Variants in FRS2 observed in about 807,000 individuals in gnomAD.
FRS2 encodes the protein FGFR signalling adaptor.
Under a neutral mutation model 43.9 loss-of-function variants are expected in FRS2, and 8 were observed. The ratio of observed to expected loss-of-function variants is 0.18; its 90% CI spans 0.11 to 0.33. FRS2 has a LOEUF of 0.33. Ranked by LOEUF, FRS2 falls within the 10% of genes least tolerant of loss-of-function variation. The pLI is 1.00. For missense variants in FRS2, 534 were observed against 627.6 expected (o/e 0.85, Z 1.59); for synonymous variants, 219 against 220.3 (o/e 0.99, Z 0.05).
chr12:69,485,091 A>ACACACACACACACACACACACGCG (rs1406341714), intron 1 of FRS2, among the ~76,000 whole-genome samples: 1 of 123,290 alleles, frequency 8.1e-6, no homozygotes, highest in Non-Finnish European at 1.6e-5. Flanking sequence ...AAACACACAC[A>ACACACACACACACACACACACGCG]CACACACACA....
At position 69,575,638 on chromosome 12, in the gene FRS2, A is replaced by G. The variant is rs1881143703; in HGVS notation, c.*683A>G. On this transcript the variant is annotated 3_prime_UTR_variant, in exon 9 of 9. Transcript: ENST00000549921. The stretch of plus-strand genomic sequence containing the variant: ...GATGTCATTTGAAGGGCATGTCCAG[A>G]TATCTTAAAATTATAATAGGCTCAA... 1 of 152,624 alleles carries G rather than the reference A, an allele frequency of 6.6e-6. No homozygotes were observed. The highest frequency in any genetic ancestry group is 6.5e-5 in the Admixed American group (1 of 15,274). The allele number at this position is 152,624 out of a possible 1,614,324, so 9.5% of individuals were successfully genotyped here. A position where few individuals can be genotyped will look rare whatever the true frequency, so the allele number is the denominator to read the frequency against.
At chr12:69,570,301 A>G (rs768530619) in intron 5 of FRS2, 30 bp from the exon 6 acceptor site, 8 of 1,525,404 alleles carry the variant, frequency 5.2e-6, no homozygotes, top group Admixed American at 5.1e-5. Flanking sequence ...TTGGTGACAT[A>G]TTTGCATGAC....
chr12:69,578,239 T>C lies in FRS2; in HGVS notation c.*3284T>C, dbSNP rs905311790. On this transcript the variant is annotated 3_prime_UTR_variant, in exon 9 of 9. Transcript: ENST00000549921. Reference sequence around the variant, plus strand: ...AATACATATATTCTTGAAATAGACATACCATCAGAGACATCATTCACAAGT... The same window carrying C: ...AATACATATATTCTTGAAATAGACACACCATCAGAGACATCATTCACAAGT... 4 of 152,630 alleles carry C rather than the reference T, an allele frequency of 2.6e-5. No individual in the cohort carries two copies. Among genetic ancestry groups the C allele is most frequent in the Non-Finnish European group, 4.4e-5 (3 of 68,024 alleles). 9.5% of individuals were successfully genotyped at this position (152,630 alleles called of 1,614,324 possible). A position where few individuals can be genotyped will look rare whatever the true frequency, so the allele number is the denominator to read the frequency against.
intron 1 of FRS2, among the ~76,000 whole-genome samples, chr12:69,519,541 C>A (rs1875413275): frequency 1.3e-5 from 2 of 152,012 alleles, no homozygotes; most frequent in Admixed American, 6.6e-5. Context: ...TTTTTTTCTG[C>A]TCCTCTCCCT....
chr12:69,539,531 A>G (rs1877670895), intron 3 of FRS2, among the ~76,000 whole-genome samples: 1 of 152,196 alleles, frequency 6.6e-6, no homozygotes, highest in South Asian at 2.1e-4. Context: ...AATTTTGTGC[A>G]CGCATCATGT....
chr12:69,564,508 C>CAT, intron 4 of FRS2, among the ~76,000 whole-genome samples: 1 of 152,242 alleles, frequency 6.6e-6, no homozygotes, highest in East Asian at 1.9e-4. Context: ...TTGAAGACTA[C>CAT]AGTTTTTTGT....
At position 69,545,772 on chromosome 12, in the gene FRS2, AAAAAAAC is replaced by A. The variant is rs1461522642; in HGVS notation, c.-122+13722_-122+13728del. Among the ~76,000 whole-genome samples the A allele has an allele frequency of 4.0e-3, 593 of 146,942 alleles. 1 individual carries two copies. Among genetic ancestry groups the A allele is most frequent in the African/African-American group, 0.014 (546 of 39,034 alleles). ...CCCTGTCTCAAAAAAAAAAAAAAAAAAAAAAACAAAAACAAAAACCCAGAAATAAACA... is the reference window on the plus strand; with the variant it reads ...CCCTGTCTCAAAAAAAAAAAAAAAAAAAAAACAAAAACCCAGAAATAAACA... On this transcript the variant is annotated intron_variant, in intron 3 of 8. Transcript: ENST00000549921.
At chr12:69,485,410 C>T (rs1871829839) in intron 1 of FRS2, among the ~76,000 whole-genome samples, 1 of 152,086 alleles carries the variant, frequency 6.6e-6, no homozygotes, top group Non-Finnish European at 1.5e-5. Context: ...TCTCGATCTC[C>T]TGACCTCGTG....
chr12:69,553,188 C>T (rs1184395093), intron 3 of FRS2, among the ~76,000 whole-genome samples: 1 of 152,106 alleles, frequency 6.6e-6, no homozygotes, highest in Non-Finnish European at 1.5e-5. Context: ...TCTCCTGCCT[C>T]AGCCTCCCGA....
chr12:69,562,084 A>T, intron 3 of FRS2, 96 bp from the exon 4 acceptor site: 1 of 393,736 alleles, frequency 2.5e-6, no homozygotes. Context: ...AGTTTGTTTA[A>T]ATAGATTAAC....
chr12:69,524,386 AGGGGAGGGCACAGTTG>A (rs1203775545), intron 1 of FRS2, among the ~76,000 whole-genome samples: 5 of 152,022 alleles, frequency 3.3e-5, no homozygotes, highest in African/African-American at 7.2e-5. Flanking sequence ...AAAGCAGCAC[AGGGGAGGGCACAGTTG>A]GGGGAGGGCA....
chr12:69,530,872 C>T lies in FRS2; in HGVS notation c.-253C>T, dbSNP rs1390228201. 6.6e-6 allele frequency: 1 copy of T among 152,408 alleles called. No homozygotes were observed. The highest frequency in any genetic ancestry group is 1.5e-5 in the Non-Finnish European group (1 of 68,026). 9.4% of individuals were successfully genotyped at this position (152,408 alleles called of 1,614,324 possible). A position where few individuals can be genotyped will look rare whatever the true frequency, so the allele number is the denominator to read the frequency against. ...ACTTAACCTATATTTCAGAAATGAC[C>T]ATTAAGAAGTAGATGCCCAGATGCA... On this transcript the variant is annotated 5_prime_UTR_variant, in exon 2 of 9. Transcript: ENST00000549921.
chr12:69,554,513 G>C (rs1021887416), intron 3 of FRS2, among the ~76,000 whole-genome samples: 3 of 152,178 alleles, frequency 2.0e-5, no homozygotes, highest in African/African-American at 7.2e-5. Flanking sequence ...ATAGTACAGA[G>C]ATTCCCATAT....
chr12:69,513,709 T>A (rs1027907019), intron 1 of FRS2, among the ~76,000 whole-genome samples: 3 of 152,198 alleles, frequency 2.0e-5, no homozygotes, highest in African/African-American at 7.2e-5. Flanking sequence ...TTAAAAATTT[T>A]TTGACCTAAA....
intron 1 of FRS2, among the ~76,000 whole-genome samples, chr12:69,496,953 T>C (rs1313728629): frequency 6.6e-6 from 1 of 152,254 alleles, no homozygotes; most frequent in African/African-American, 2.4e-5. Flanking sequence ...GTTTAGATAT[T>C]ATTCCAAATG....
chr12:69,492,755 T>C (rs1181853730), intron 1 of FRS2, among the ~76,000 whole-genome samples: 1 of 152,202 alleles, frequency 6.6e-6, no homozygotes, highest in African/African-American at 2.4e-5. Flanking sequence ...CTGTCTGTTA[T>C]AGTCCACTTA....
rs988869486 is a variant in FRS2, at chr12:69,575,450, C to T, written c.*495C>T. The T allele has an allele frequency of 1.3e-5, 2 of 154,010 alleles. No homozygotes were observed. The highest frequency in any genetic ancestry group is 2.9e-5 in the Non-Finnish European group (2 of 69,102). 9.5% of individuals were successfully genotyped at this position (154,010 alleles called of 1,614,324 possible). ...TAATTAATGGCTTTTTGACTTGAGCCAAAACATATGTAAAGGAAACAGAAG... is the reference window on the plus strand; with the variant it reads ...TAATTAATGGCTTTTTGACTTGAGCTAAAACATATGTAAAGGAAACAGAAG... On this transcript the variant is annotated 3_prime_UTR_variant, in exon 9 of 9. Coordinates refer to ENST00000549921, the MANE Select transcript of FRS2 (RefSeq NM_001278356.2).
chr12:69,476,393 G>A (rs1030676042), intron 1 of FRS2, among the ~76,000 whole-genome samples: 6 of 152,122 alleles, frequency 3.9e-5, no homozygotes, highest in Non-Finnish European at 8.8e-5. Context: ...TGGGGGTGCT[G>A]CTTTAAGTTA....
At chr12:69,483,154 AC>A (rs1565715320) in intron 1 of FRS2, among the ~76,000 whole-genome samples, 1 of 152,254 alleles carries the variant, frequency 6.6e-6, no homozygotes, top group Non-Finnish European at 1.5e-5. Flanking sequence ...TGACATCAAT[AC>A]ATTACTGTTA....
Sources: gnomAD v4.1 joint callset for allele counts (sites outside exome capture counted in the v4.1 genomes callset) on GRCh38, gnomAD v4.1.1 for gene constraint, MANE v1.5 for transcripts, NCBI Gene and HGNC (gene_info 2026-07-23, HGNC 2026-07-21) for gene names.